CCT6B: variants seen among roughly 807,000 people sequenced by gnomAD.
CCT6B encodes chaperonin containing TCP1 subunit 6B, also known as probable T-complex protein 1 subunit zeta-2.
A neutral mutation model predicts 61.5 loss-of-function variants in CCT6B; 49 were observed. The observed-to-expected ratio is 0.80, with a 90% CI of 0.63 to 1.01. CCT6B has a LOEUF of 1.01. Ranked by LOEUF, CCT6B falls within the 50% of genes least tolerant of loss-of-function variation. The pLI, the probability that CCT6B is intolerant of heterozygous loss-of-function variation, is 0.00. For synonymous variants in CCT6B, 228 were observed against 214.5 expected (o/e 1.06, Z -0.55); for missense variants, 666 against 634.7 (o/e 1.05, Z -0.53).
intron 10 of CCT6B, among the ~76,000 whole-genome samples, chr17:34,933,584 G>T (rs774219242): frequency 1.3e-5 from 2 of 151,942 alleles, no homozygotes; most frequent in Non-Finnish European, 2.9e-5. Context: ...ATACTCAAAA[G>T]AATATTTATA....
intron 2 of CCT6B, among the ~76,000 whole-genome samples, chr17:34,959,286 G>A (rs1288583406): frequency 3.4e-5 from 5 of 147,748 alleles, no homozygotes; most frequent in African/African-American, 5.0e-5. Context: ...ACCACACTGA[G>A]CAAAATTTTT....
At chr17:34,950,035 G>A (rs914327083) in intron 5 of CCT6B, among the ~76,000 whole-genome samples, 3 of 152,048 alleles carry the variant, frequency 2.0e-5, no homozygotes, top group South Asian at 2.1e-4. Context: ...AATTTCAAAG[G>A]AGCAAAAATC....
At chr17:34,935,444 T>A (rs929080826) in intron 10 of CCT6B, among the ~76,000 whole-genome samples, 6 of 152,200 alleles carry the variant, frequency 3.9e-5, no homozygotes, top group African/African-American at 9.7e-5. Flanking sequence ...AAAATAATTT[T>A]AAAAAAATGT....
chr17:34,937,756 A>C (rs763447052), intron 10 of CCT6B, among the ~76,000 whole-genome samples: 1 of 152,234 alleles, frequency 6.6e-6, no homozygotes, highest in Non-Finnish European at 1.5e-5. Flanking sequence ...CACTGTTAAT[A>C]ATAAAATAAG....
At chr17:34,955,604 T>A (rs755132737) in intron 3 of CCT6B, among the ~76,000 whole-genome samples, 18 of 152,200 alleles carry the variant, frequency 1.2e-4, no homozygotes, top group Non-Finnish European at 2.1e-4. Flanking sequence ...TGAAAAAATA[T>A]TTTAATAGTA....
intron 5 of CCT6B, among the ~76,000 whole-genome samples, chr17:34,947,603 C>G (rs1455649491): frequency 1.3e-5 from 2 of 152,128 alleles, no homozygotes; most frequent in Non-Finnish European, 2.9e-5. Context: ...AAGTATGCCT[C>G]CAACAAACTA....
chr17:34,947,036 A>C (rs2142162508), intron 5 of CCT6B, among the ~76,000 whole-genome samples: 1 of 152,300 alleles, frequency 6.6e-6, no homozygotes, highest in East Asian at 1.9e-4. Flanking sequence ...ACTTCATTAG[A>C]AAGTTTATTT....
At chr17:34,950,668 C>T (rs1453751578) in intron 5 of CCT6B, among the ~76,000 whole-genome samples, 9 of 152,158 alleles carry the variant, frequency 5.9e-5, no homozygotes, top group Non-Finnish European at 5.9e-5. Context: ...TGGTGGCTCA[C>T]GCCTTTAATC....
chr17:34,950,500 T>A (rs1233443040), intron 5 of CCT6B, among the ~76,000 whole-genome samples: 1 of 152,208 alleles, frequency 6.6e-6, no homozygotes, highest in Non-Finnish European at 1.5e-5. Flanking sequence ...TTTATGCCAG[T>A]AAGGATATTT....
At chr17:34,947,222 G>C (rs977084250) in intron 5 of CCT6B, among the ~76,000 whole-genome samples, 13 of 152,128 alleles carry the variant, frequency 8.5e-5, no homozygotes, top group African/African-American at 3.1e-4. Context: ...AGAAGGAGAA[G>C]AAGGGATGAA....
At chr17:34,960,023 A>G (rs2142188983) in intron 1 of CCT6B, among the ~76,000 whole-genome samples, 1 of 152,304 alleles carries the variant, frequency 6.6e-6, no homozygotes, top group South Asian at 2.1e-4. Flanking sequence ...TCATCCCTGC[A>G]TTTATTAGAT....
In CCT6B at chr17:34,958,376, G is replaced by A. The variant is rs367769726; in HGVS notation, c.336+184C>T. On this transcript the variant is annotated intron_variant, in intron 3 of 13. Coordinates refer to ENST00000314144, the MANE Select transcript of CCT6B (RefSeq NM_006584.4). ...GGAGAATTGATTGAACCTGGGAGGC[G>A]GAGGTTGCAGTGAGCCAAGATTCTG... 2.6e-4 allele frequency among the ~76,000 whole-genome samples: 40 copies of A among 152,232 alleles called. 2 individuals carry two copies. Among genetic ancestry groups the A allele is most frequent in the South Asian group, 1.5e-3 (7 of 4,818 alleles).
At chr17:34,931,753 T>C (rs1378942282) in intron 11 of CCT6B, among the ~76,000 whole-genome samples, 3 of 152,224 alleles carry the variant, frequency 2.0e-5, no homozygotes, top group African/African-American at 7.2e-5. Context: ...TTTGCTAACA[T>C]TGTTAATAAT....
At chr17:34,943,141 C>T (rs1281504079) in intron 5 of CCT6B, 2 of 389,030 alleles carry the variant, frequency 5.1e-6, no homozygotes, top group Admixed American at 4.0e-5. Flanking sequence ...CTCAGCCTCC[C>T]AAGTAGCTGG....
chr17:34,938,385 A>T (rs1466473681), intron 10 of CCT6B, among the ~76,000 whole-genome samples: 1 of 151,200 alleles, frequency 6.6e-6, no homozygotes, highest in African/African-American at 2.4e-5. Context: ...TGGGCAACAT[A>T]GACAGAACTC....
chr17:34,933,057 C>G (rs917684248), intron 10 of CCT6B, among the ~76,000 whole-genome samples: 2 of 152,164 alleles, frequency 1.3e-5, no homozygotes, highest in Non-Finnish European at 2.9e-5. Context: ...GCTGGGATTA[C>G]AGGTGTGAGC....
chr17:34,947,287 G>A (rs915796815), intron 5 of CCT6B, among the ~76,000 whole-genome samples: 10 of 152,048 alleles, frequency 6.6e-5, no homozygotes, highest in South Asian at 6.2e-4. Context: ...TCAGATAAAC[G>A]ATAGCACTCA....
At chr17:34,929,542 C>T (rs2090011715) in intron 12 of CCT6B, among the ~76,000 whole-genome samples, 1 of 127,580 alleles carries the variant, frequency 7.8e-6, no homozygotes, top group African/African-American at 3.0e-5. Flanking sequence ...AGACAGAGAT[C>T]TTGCTCTGTC....
intron 10 of CCT6B, among the ~76,000 whole-genome samples, chr17:34,933,366 A>G (rs1049070067): frequency 6.6e-6 from 1 of 152,224 alleles, no homozygotes; most frequent in Non-Finnish European, 1.5e-5. Flanking sequence ...CATAAAGTTT[A>G]TGACTCTTAT....
Sources: gnomAD v4.1 joint callset for allele counts (sites outside exome capture counted in the v4.1 genomes callset) on GRCh38, gnomAD v4.1.1 for gene constraint, MANE v1.5 for transcripts, NCBI Gene and HGNC (gene_info 2026-07-23, HGNC 2026-07-21) for gene names.